C1orf159: variants seen among roughly 807,000 people sequenced by gnomAD.
The protein encoded by C1orf159 is chromosome 1 open reading frame 159.
In C1orf159, 19 loss-of-function variants were observed where a neutral mutation model predicts 25.6. The observed-to-expected ratio is 0.74, with a 90% CI of 0.52 to 1.09. C1orf159 has a LOEUF of 1.09. Ranked by LOEUF, C1orf159 falls within the 50% of genes least tolerant of loss-of-function variation. The pLI is 0.00. For synonymous variants in C1orf159, 139 were observed against 124.7 expected, an observed-to-expected ratio of 1.12 and a Z score of -0.77; for missense variants, 274 against 290.6, an observed-to-expected ratio of 0.94 and a Z score of 0.42.
Position 1,091,976 on chromosome 1 carries a change from T to C in C1orf159, c.-23+15A>G. 2.2e-6 allele frequency: 1 copy of C among 458,042 alleles called. No individual in the cohort carries two copies. The highest frequency in any genetic ancestry group is 4.4e-6 in the Non-Finnish European group (1 of 228,518). The allele number at this position is 458,042 out of a possible 1,614,324, so 28.4% of individuals were successfully genotyped here. On this transcript the variant is annotated intron_variant, in intron 2 of 9. Transcript: ENST00000421241. The stretch of plus-strand genomic sequence containing the variant: ...TTGGAGGCACGGGTGGGGCGAGGTG[T>C]AGGCAGGGCCTTACCTGCCCCTCCA...
chr1:1,100,016 C>T (rs1646078146), intron 1 of C1orf159, among the ~76,000 whole-genome samples: 3 of 152,342 alleles, frequency 2.0e-5, no homozygotes, highest in Admixed American at 1.3e-4. Context: ...ATTCTGGAGA[C>T]TGAGGCAGGA....
rs997591346 is a variant in C1orf159 at position 1,082,794 on chromosome 1, C to T, written c.*99G>A. 3.8e-5 allele frequency: 43 copies of T among 1,118,758 alleles called. No individual in the cohort carries two copies. Among genetic ancestry groups the T allele is most frequent in the Admixed American group, 8.0e-5 (4 of 49,894 alleles). 69.3% of individuals were successfully genotyped at this position (1,118,758 alleles called of 1,614,324 possible). ...GCCGAGGCTGTGCCCAGGACTGTCCCGGGCGCCGGGCGATGCCAACACTTT... is the reference window on the plus strand; with the variant it reads ...GCCGAGGCTGTGCCCAGGACTGTCCTGGGCGCCGGGCGATGCCAACACTTT... On this transcript the variant is annotated 3_prime_UTR_variant, in exon 10 of 10. Coordinates refer to ENST00000421241, the MANE Select transcript of C1orf159 (RefSeq NM_017891.5).
At chr1:1,109,775 T>C (rs1375439460) in intron 1 of C1orf159, among the ~76,000 whole-genome samples, 1 of 152,158 alleles carries the variant, frequency 6.6e-6, no homozygotes, top group Non-Finnish European at 1.5e-5. Flanking sequence ...CCATGTTCAC[T>C]GAGAGGTGAG....
rs749724410 is a variant in C1orf159, at chr1:1,082,298, C to A, written c.*595G>T. The A allele has an allele frequency of 1.9e-5, 3 of 155,412 alleles. No homozygotes were observed. The highest frequency in any genetic ancestry group is 4.3e-5 in the Non-Finnish European group (3 of 69,760). 9.6% of individuals were successfully genotyped at this position (155,412 alleles called of 1,614,324 possible). A position where few individuals can be genotyped will look rare whatever the true frequency, so the allele number is the denominator to read the frequency against. Reference sequence around the variant, plus strand: ...AAGAGGAAGCTCTATCCTGCAGCTCCGGAAATGGGTGGCTGCGTGCTTGGG... The same window carrying A: ...AAGAGGAAGCTCTATCCTGCAGCTCAGGAAATGGGTGGCTGCGTGCTTGGG... On this transcript the variant is annotated 3_prime_UTR_variant, in exon 10 of 10. Coordinates refer to ENST00000421241, the MANE Select transcript of C1orf159 (RefSeq NM_017891.5).
intron 1 of C1orf159, among the ~76,000 whole-genome samples, chr1:1,103,775 G>A (rs964875458): frequency 5.9e-5 from 9 of 152,154 alleles, no homozygotes; most frequent in African/African-American, 2.2e-4. Flanking sequence ...CTGTCGCCCA[G>A]GCAGAAATGC....
rs963789408 is a variant in C1orf159, at chr1:1,089,008, C to A, written c.148+1345G>T. On this transcript the variant is annotated intron_variant, in intron 4 of 9. Coordinates refer to ENST00000421241, the MANE Select transcript of C1orf159 (RefSeq NM_017891.5). This position sits in a 1 kb window ranked among gnomAD's most constrained non-coding sequence, Gnocchi z 7.5. ...CGAGGCTCTGTCTGAGAGTCTCTGCCCCGGAGGCCGAAGAACGGAGTCCAC... is the reference window on the plus strand; with the variant it reads ...CGAGGCTCTGTCTGAGAGTCTCTGCACCGGAGGCCGAAGAACGGAGTCCAC... Among the ~76,000 whole-genome samples the A allele has an allele frequency of 6.6e-6, 1 of 152,252 alleles. No individual in the cohort carries two copies. The highest frequency in any genetic ancestry group is 2.4e-5 in the African/African-American group (1 of 41,466).
In C1orf159 at chr1:1,082,133, G is replaced by A. The variant is rs368988885; in HGVS notation, c.*760C>T. 3.9e-5 allele frequency: 6 copies of A among 152,726 alleles called. No individual in the cohort carries two copies. The highest frequency in any genetic ancestry group is 1.2e-4 in the African/African-American group (5 of 41,596). 9.5% of individuals were successfully genotyped at this position (152,726 alleles called of 1,614,324 possible). Reference sequence around the variant, plus strand: ...CAGCCTTGGCAGGTGCAGTGAGGCAGTGACTTGTGGGGGTTAGATGTGGGC... The same window carrying A: ...CAGCCTTGGCAGGTGCAGTGAGGCAATGACTTGTGGGGGTTAGATGTGGGC... On this transcript the variant is annotated 3_prime_UTR_variant, in exon 10 of 10. Transcript: ENST00000421241.
At chr1:1,106,240 T>C (rs1259077255) in intron 1 of C1orf159, 1 of 152,194 alleles carries the variant, frequency 6.6e-6, no homozygotes, top group Non-Finnish European at 1.5e-5. Context: ...TAAATACAAA[T>C]GGTTAAATTA....
chr1:1,108,394 TTCA>T (rs1646207987), intron 1 of C1orf159, among the ~76,000 whole-genome samples: 1 of 105,078 alleles, frequency 9.5e-6, no homozygotes. Context: ...CTCGGCACCG[TTCA>T]CCACAGCCAC....
In C1orf159 at chr1:1,083,169, C is replaced by T. The variant is rs561170701; in HGVS notation, c.503-182G>A. ...CCCTAAGGCGCCCTCAGAGCTCCAG[C>T]TCGGGAAAGGGACGGCTTCCTCCTG... On this transcript the variant is annotated intron_variant, in intron 9 of 9. Coordinates refer to ENST00000421241, the MANE Select transcript of C1orf159 (RefSeq NM_017891.5). The T allele has an allele frequency of 9.3e-5, 52 of 557,202 alleles. No homozygotes were observed. In the African/African-American group the frequency reaches 9.3e-4, roughly 10 times the overall value. 34.5% of individuals were successfully genotyped at this position (557,202 alleles called of 1,614,324 possible).
chr1:1,115,708 T>C (rs1428646235), intron 1 of C1orf159, among the ~76,000 whole-genome samples: 2 of 25,246 alleles, frequency 7.9e-5, no homozygotes, highest in Non-Finnish European at 1.4e-4. Flanking sequence ...CCCTCCCCGC[T>C]CCGGGAACCC....
chr1:1,087,188 C>A lies in C1orf159; in HGVS notation c.261G>T (p.Ala87=). The change falls in exon 6 of 10, where the codon GCG becomes GCT. Residue 87 remains alanine, a synonymous_variant. Transcript: ENST00000421241. The surrounding 1 kb of genome is among the most constrained non-coding windows in gnomAD (Gnocchi z 8.3). The part of the protein sequence containing the change: ...SECRSFAGPG[A]PFPMNRSSGT... ...CTGAGCTTCTGTTCATGGGGAATGGCGCACCCGGGCCAGCAACTGTGGGAT... is the reference window on the plus strand; with the variant it reads ...CTGAGCTTCTGTTCATGGGGAATGGAGCACCCGGGCCAGCAACTGTGGGAT... 1.2e-6 allele frequency: 2 copies of A among 1,608,260 alleles called. No homozygotes were observed. Among genetic ancestry groups the A allele is most frequent in the Non-Finnish European group, 1.7e-6 (2 of 1,178,342 alleles).
In C1orf159 at chr1:1,083,031, C is replaced by G. The variant is rs755023084; in HGVS notation, c.503-44G>C. The G allele has an allele frequency of 1.0e-5, 15 of 1,492,324 alleles. No homozygotes were observed. In the Admixed American group the frequency reaches 1.2e-4, roughly 11 times the overall value. The allele number at this position is 1,492,324 out of a possible 1,614,324, so 92.4% of individuals were successfully genotyped here. Reference sequence around the variant, plus strand: ...AGGCGAGGTCAGAGTGGGACCTGGACAGCAGGGACAGTGCAGGCCTCAGCC... The same window carrying G: ...AGGCGAGGTCAGAGTGGGACCTGGAGAGCAGGGACAGTGCAGGCCTCAGCC... On this transcript the variant is annotated intron_variant, in intron 9 of 9. Coordinates refer to ENST00000421241, the MANE Select transcript of C1orf159 (RefSeq NM_017891.5).
intron 1 of C1orf159, among the ~76,000 whole-genome samples, chr1:1,098,016 T>A (rs1429291379): frequency 6.6e-6 from 1 of 152,186 alleles, no homozygotes; most frequent in Non-Finnish European, 1.5e-5. Context: ...ATATTTTCAT[T>A]ATTATTCAGT....
intron 1 of C1orf159, among the ~76,000 whole-genome samples, chr1:1,095,431 G>C (rs1645997658): frequency 6.6e-6 from 1 of 152,084 alleles, no homozygotes; most frequent in Admixed American, 6.6e-5. Flanking sequence ...TTTACTTTTT[G>C]TTATTACAAA....
chr1:1,084,228 G>T (rs756669224), intron 9 of C1orf159, 125 bp downstream of exon 9: 1 of 1,520,124 alleles, frequency 6.6e-7, no homozygotes, highest in Non-Finnish European at 8.8e-7. Context: ...GGTCTCCTGG[G>T]GACCCGGGCA....
rs899449049 is a variant in C1orf159, at chr1:1,091,082, C to T, written c.72+390G>A. On this transcript the variant is annotated intron_variant, in intron 3 of 9. Transcript: ENST00000421241. ...GGGCCCAGGTCCGGTCCCTCAAACG[C>T]CCCAGCCAGGACAGTGAGGGGTCCC... 22 of 1,032,334 alleles carry T rather than the reference C, an allele frequency of 2.1e-5. No homozygotes were observed. The South Asian group carries it at 3.0e-4, about 14-fold the overall frequency. The allele number at this position is 1,032,334 out of a possible 1,614,324, so 63.9% of individuals were successfully genotyped here.
chr1:1,086,713 G>A (rs1035673438), intron 6 of C1orf159, among the ~76,000 whole-genome samples: 1 of 152,230 alleles, frequency 6.6e-6, no homozygotes, highest in African/African-American at 2.4e-5. Flanking sequence ...TCAGGGCCGT[G>A]AGTGTGAACC....
intron 1 of C1orf159, among the ~76,000 whole-genome samples, chr1:1,101,081 T>C (rs1284170512): frequency 3.3e-5 from 5 of 152,244 alleles, no homozygotes; most frequent in Non-Finnish European, 5.9e-5. Context: ...ATTTTATCAG[T>C]TTTCCTTTTT....
Sources: allele counts gnomAD v4.1 joint callset (sites outside exome capture counted in the v4.1 genomes callset), GRCh38; gene constraint gnomAD v4.1.1; non-coding constraint Gnocchi (gnomAD v3.1); transcripts MANE v1.5; gene names NCBI Gene and HGNC (gene_info 2026-07-23, HGNC 2026-07-21).